The following PDE4B variants were observed in gnomAD, a reference collection of about 807,000 sequenced individuals.
PDE4B encodes the protein phosphodiesterase 4B, also known as 3',5'-cyclic-AMP phosphodiesterase 4B.
Under a neutral mutation model 82.2 loss-of-function variants are expected in PDE4B, and 20 were observed. The observed-to-expected ratio is 0.24, with a 90% CI of 0.17 to 0.35. PDE4B has a LOEUF of 0.35. Ranked by LOEUF, PDE4B falls within the 10% of genes least tolerant of loss-of-function variation. PDE4B has a pLI of 1.00. For missense variants in PDE4B, 655 were observed against 907.2 expected (o/e 0.72, Z 3.57); for synonymous variants, 320 against 318.9 (o/e 1.00, Z -0.04).
chr1:66,332,458 C>T, intron 7 of PDE4B, 50 bp from the exon 8 acceptor site: 1 of 1,614,140 alleles, frequency 6.2e-7, no homozygotes, highest in Non-Finnish European at 8.5e-7. Flanking sequence ...CTGCTATGGA[C>T]AGCCTGCAGC....
At chr1:66,144,370 C>T (rs994742782) in intron 3 of PDE4B, among the ~76,000 whole-genome samples, 72 of 152,100 alleles carry the variant, frequency 4.7e-4, no homozygotes, top group East Asian at 5.8e-4. Context: ...TAGAAACAAG[C>T]GCGTCAAAGT....
At chr1:66,210,713 G>A (rs1332013157) in intron 3 of PDE4B, among the ~76,000 whole-genome samples, 2 of 151,468 alleles carry the variant, frequency 1.3e-5, no homozygotes, top group Non-Finnish European at 2.9e-5. Flanking sequence ...CCTATAGAAC[G>A]AGGTTTGCCA....
chr1:66,189,647 C>G (rs940699159), intron 3 of PDE4B, among the ~76,000 whole-genome samples: 1 of 152,202 alleles, frequency 6.6e-6, no homozygotes, highest in Non-Finnish European at 1.5e-5. Flanking sequence ...CTTGTGCATT[C>G]GTCACGTAGT....
At chr1:66,275,308 AG>A (rs1655801784) in intron 7 of PDE4B, among the ~76,000 whole-genome samples, 1 of 152,226 alleles carries the variant, frequency 6.6e-6, no homozygotes, top group African/African-American at 2.4e-5. Context: ...ATTCAGGCAT[AG>A]GTGTTACAAC....
At chr1:66,275,897 A>C (rs1451031734) in intron 7 of PDE4B, among the ~76,000 whole-genome samples, 1 of 152,194 alleles carries the variant, frequency 6.6e-6, no homozygotes, top group African/African-American at 2.4e-5. Flanking sequence ...GACAAGCACC[A>C]AAAGCGACCC....
chr1:66,143,245 A>C (rs1384375529), intron 3 of PDE4B, among the ~76,000 whole-genome samples: 1 of 152,218 alleles, frequency 6.6e-6, no homozygotes, highest in Non-Finnish European at 1.5e-5. Context: ...CTGTATTATG[A>C]GCCATTTATA....
intron 3 of PDE4B, among the ~76,000 whole-genome samples, chr1:65,943,663 T>G (rs763835609): frequency 7.9e-5 from 12 of 152,070 alleles, no homozygotes; most frequent in Middle Eastern, 3.4e-3. Context: ...TATCCGAGTC[T>G]TCTTCAATTT....
At chr1:65,805,938 G>T (rs1645750560) in intron 1 of PDE4B, among the ~76,000 whole-genome samples, 2 of 152,076 alleles carry the variant, frequency 1.3e-5, no homozygotes, top group Non-Finnish European at 2.9e-5. Context: ...GTACCTGGGT[G>T]CAGGTCATTT....
chr1:66,179,441 G>T (rs1647013949), intron 3 of PDE4B, among the ~76,000 whole-genome samples: 1 of 152,166 alleles, frequency 6.6e-6, no homozygotes, highest in Non-Finnish European at 1.5e-5. Context: ...GAAGATCCAG[G>T]AGAGTGAGAA....
At chr1:65,899,571 T>G (rs1646948625) in intron 1 of PDE4B, among the ~76,000 whole-genome samples, 1 of 144,588 alleles carries the variant, frequency 6.9e-6, no homozygotes, top group Non-Finnish European at 1.5e-5. Context: ...GGAACCAACC[T>G]CAATGCCCAT....
chr1:66,357,130 C>T (rs1399107913), intron 9 of PDE4B, among the ~76,000 whole-genome samples: 8 of 152,088 alleles, frequency 5.3e-5, no homozygotes, highest in Non-Finnish European at 5.9e-5. Context: ...TGCAAGAACC[C>T]ATTTTTGTCT....
intron 3 of PDE4B, among the ~76,000 whole-genome samples, chr1:66,141,955 T>G (rs905015161): frequency 1.3e-5 from 2 of 152,106 alleles, no homozygotes; most frequent in African/African-American, 4.8e-5. Flanking sequence ...CCACCAAACT[T>G]AACTACTAAT....
At chr1:65,915,196 A>C (rs747686033) in intron 2 of PDE4B, among the ~76,000 whole-genome samples, 1 of 152,152 alleles carries the variant, frequency 6.6e-6, no homozygotes, top group Admixed American at 6.6e-5. Context: ...ATATTAGGAG[A>C]TTGTTTCAAA....
At chr1:66,189,851 A>T (rs1199475725) in intron 3 of PDE4B, among the ~76,000 whole-genome samples, 1 of 152,168 alleles carries the variant, frequency 6.6e-6, no homozygotes, top group African/African-American at 2.4e-5. Context: ...GTCATTCTCC[A>T]TCCAGCTTTG....
At chr1:65,968,628 T>C (rs148641310) in intron 3 of PDE4B, among the ~76,000 whole-genome samples, 67 of 152,292 alleles carry the variant, frequency 4.4e-4, no homozygotes, top group African/African-American at 1.6e-3. Context: ...ATTAAACTCC[T>C]AAATTGCATT....
At chr1:66,228,592 G>A (rs1213504377) in intron 3 of PDE4B, among the ~76,000 whole-genome samples, 1 of 150,290 alleles carries the variant, frequency 6.7e-6, no homozygotes, top group Non-Finnish European at 1.5e-5. Flanking sequence ...TCGCGCCACT[G>A]CACTCCAGCC....
At chr1:65,987,363 T>C (rs923603636) in intron 3 of PDE4B, among the ~76,000 whole-genome samples, 2 of 152,166 alleles carry the variant, frequency 1.3e-5, no homozygotes, top group Non-Finnish European at 2.9e-5. Context: ...CATCATCTTA[T>C]AAAGATATCA....
intron 3 of PDE4B, among the ~76,000 whole-genome samples, chr1:65,940,017 C>G (rs570383870): frequency 6.6e-6 from 1 of 152,168 alleles, no homozygotes; most frequent in Admixed American, 6.5e-5. Context: ...AACAAGAAAA[C>G]TATAGAATGA....
chr1:66,090,596 T>TTATA (rs1301944365), intron 3 of PDE4B, among the ~76,000 whole-genome samples: 4 of 86,732 alleles, frequency 4.6e-5, no homozygotes, highest in Admixed American at 2.3e-4. Flanking sequence ...GATGACAAAA[T>TTATA]TATATATATA....
Sources: allele counts gnomAD v4.1 joint callset (sites outside exome capture counted in the v4.1 genomes callset), GRCh38; gene constraint gnomAD v4.1.1; transcripts MANE v1.5; gene names NCBI Gene and HGNC (gene_info 2026-07-23, HGNC 2026-07-21).